Variants in AP2A2 observed in about 807,000 individuals in gnomAD.
The protein encoded by AP2A2 is AP-2 complex subunit alpha-2.
A neutral mutation model predicts 104.2 loss-of-function variants in AP2A2; 32 were observed. That is an observed-to-expected ratio of 0.31 (90% CI 0.23 to 0.41). AP2A2 has a LOEUF of 0.41. AP2A2 is among the 10% of genes least tolerant of loss of function. AP2A2 has a pLI of 1.00. For synonymous variants in AP2A2, 539 were observed against 533.3 expected, an observed-to-expected ratio of 1.01 and a Z score of -0.15; for missense variants, 912 against 1,261.0, an observed-to-expected ratio of 0.72 and a Z score of 4.19.
intron 2 of AP2A2, among the ~76,000 whole-genome samples, chr11:963,437 C>A (rs1419533155): frequency 6.6e-6 from 1 of 151,300 alleles, no homozygotes; most frequent in Non-Finnish European, 1.5e-5. Context: ...GAAAAAAAAA[C>A]TAAAAAAAAA....
intron 4 of AP2A2, among the ~76,000 whole-genome samples, chr11:973,801 T>C (rs927914386): frequency 6.6e-6 from 1 of 152,214 alleles, no homozygotes; most frequent in African/African-American, 2.4e-5. Flanking sequence ...GTTGCTTGCC[T>C]GTTTATTACC....
At chr11:957,865 C>T (rs1022998815) in intron 1 of AP2A2, among the ~76,000 whole-genome samples, 6 of 152,220 alleles carry the variant, frequency 3.9e-5, no homozygotes, top group Non-Finnish European at 8.8e-5. Flanking sequence ...CTGTGTCTTC[C>T]GTGAGGGTAA....
chr11:1,003,880 T>G, intron 16 of AP2A2, 76 bp downstream of exon 16: 1 of 956,726 alleles, frequency 1.0e-6, no homozygotes, highest in Non-Finnish European at 1.6e-6. Flanking sequence ...GCAAATCATA[T>G]ACTTATAAGG....
intron 1 of AP2A2, among the ~76,000 whole-genome samples, chr11:928,662 T>A (rs1262562252): frequency 1.3e-5 from 2 of 152,264 alleles, no homozygotes; most frequent in Non-Finnish European, 2.9e-5. Flanking sequence ...AGGGCAAAGT[T>A]GTCCGCCGTC....
At chr11:987,916 G>A (rs1203106250) in intron 9 of AP2A2, among the ~76,000 whole-genome samples, 2 of 152,256 alleles carry the variant, frequency 1.3e-5, no homozygotes, top group East Asian at 1.9e-4. Flanking sequence ...CAGATATTCC[G>A]GGTGGTGTGC....
At chr11:1,006,431 T>G in intron 16 of AP2A2, 97 bp from the exon 17 acceptor site, 1 of 871,462 alleles carries the variant, frequency 1.1e-6, no homozygotes, top group Non-Finnish European at 1.8e-6. Flanking sequence ...GAACTTAAAT[T>G]CAGCTGAAGA....
At chr11:946,859 A>G (rs1564786590) in intron 1 of AP2A2, 1 of 152,004 alleles carries the variant, frequency 6.6e-6, no homozygotes, top group Admixed American at 6.6e-5. Flanking sequence ...TACATACTGA[A>G]AGGAATGTCT....
chr11:963,596 C>T (rs535336910), intron 2 of AP2A2, among the ~76,000 whole-genome samples: 2 of 152,144 alleles, frequency 1.3e-5, no homozygotes, highest in South Asian at 2.1e-4. Flanking sequence ...TGATTTAGAG[C>T]AACCCTTCTG....
intron 1 of AP2A2, among the ~76,000 whole-genome samples, chr11:945,176 T>G (rs1853789991): frequency 6.6e-6 from 1 of 151,868 alleles, no homozygotes; most frequent in South Asian, 2.1e-4. Flanking sequence ...GCAGGACACA[T>G]GTGATACATT....
In AP2A2 at chr11:952,881, C is replaced by T. The variant is rs1400532209; in HGVS notation, c.68-6556C>T. 2.6e-5 allele frequency among the ~76,000 whole-genome samples: 4 copies of T among 152,144 alleles called. No individual in the cohort carries two copies. In the East Asian group the frequency reaches 7.7e-4, roughly 29 times the overall value. On this transcript the variant is annotated intron_variant, in intron 1 of 21. Coordinates refer to ENST00000448903, the MANE Select transcript of AP2A2 (RefSeq NM_012305.4). Reference sequence around the variant, plus strand: ...GGCACGGTGGGGTGGTTGAAGTCCTCCTGTGAGGCCCTCTGCCTTATGGAG... The same window carrying T: ...GGCACGGTGGGGTGGTTGAAGTCCTTCTGTGAGGCCCTCTGCCTTATGGAG...
At chr11:967,778 C>T (rs1010946890) in intron 2 of AP2A2, among the ~76,000 whole-genome samples, 3 of 152,168 alleles carry the variant, frequency 2.0e-5, no homozygotes, top group East Asian at 1.9e-4. Context: ...CAAACTTAAT[C>T]GTGATCCTTT....
In AP2A2 at chr11:969,348, G is replaced by C. The variant is rs1409741292; in HGVS notation, c.137-821G>C. Among the ~76,000 whole-genome samples, 4 of 146,166 alleles carry C rather than the reference G, an allele frequency of 2.7e-5. No individual in the cohort carries two copies. The Admixed American group carries it at 2.8e-4, about 10-fold the overall frequency. On this transcript the variant is annotated intron_variant, in intron 2 of 21. Coordinates refer to ENST00000448903, the MANE Select transcript of AP2A2 (RefSeq NM_012305.4). ...CAGGTTCAAGCAATTCTCTGCCTCA[G>C]CCTCCCGAGTAGCTGGGATTACAGG...
intron 2 of AP2A2, among the ~76,000 whole-genome samples, chr11:962,618 A>G (rs1047267133): frequency 5.3e-4 from 80 of 152,212 alleles, no homozygotes; most frequent in Non-Finnish European, 9.0e-4. Context: ...CTATAGTCCC[A>G]GCTACTTGGG....
chr11:935,984 C>T (rs1853446147), intron 1 of AP2A2, among the ~76,000 whole-genome samples: 1 of 150,950 alleles, frequency 6.6e-6, no homozygotes. Context: ...TCACTGCAAG[C>T]TCTGCCTCCT....
At chr11:952,297 A>C (rs1485401353) in intron 1 of AP2A2, among the ~76,000 whole-genome samples, 3 of 152,200 alleles carry the variant, frequency 2.0e-5, no homozygotes. Flanking sequence ...TTTTTGTGGA[A>C]CTTGGGCTGT....
In AP2A2 at chr11:925,895, C is replaced by T. The variant is rs1207264528; in HGVS notation, c.-127C>T. Reference sequence around the variant, plus strand: ...AGAAAGCGGCGCTGGGACCCTGAGGCGGCCGTGGTTAGGCGGCTCCCCGGC... The same window carrying T: ...AGAAAGCGGCGCTGGGACCCTGAGGTGGCCGTGGTTAGGCGGCTCCCCGGC... On this transcript the variant is annotated 5_prime_UTR_variant, in exon 1 of 22. Transcript: ENST00000448903. The T allele has an allele frequency of 4.0e-5, 25 of 630,884 alleles. No homozygotes were observed. The highest frequency in any genetic ancestry group is 5.3e-5 in the Non-Finnish European group (23 of 432,536). The allele number at this position is 630,884 out of a possible 1,614,324, so 39.1% of individuals were successfully genotyped here.
chr11:1,006,555 A>G lies in AP2A2; in HGVS notation c.2234A>G (p.Lys745Arg). The G allele has an allele frequency of 6.2e-7, 1 of 1,613,704 alleles. No homozygotes were observed. Among genetic ancestry groups the G allele is most frequent in the Non-Finnish European group, 8.5e-7 (1 of 1,179,798 alleles). ...CGGATGTTTATCTTTTATGGTAATA[A>G]GACCTCCACGCAGTTCCTAAACTTT... The part of the protein sequence containing the change: ...LGRMFIFYGN[K>R]TSTQFLNFTP... The change falls in exon 17 of 22, where the codon AAG becomes AGG. Residue 745 changes from lysine (K) to arginine (R), a missense_variant. Around this residue, in one of 7 missense-constraint regions of AP2A2, gnomAD observed 239 missense variants for 329.8 expected, o/e 0.72. Transcript: ENST00000448903.
intron 17 of AP2A2, 92 bp from the exon 18 acceptor site, chr11:1,007,920 C>A: frequency 1.3e-6 from 2 of 1,534,866 alleles, no homozygotes; most frequent in Non-Finnish European, 1.8e-6. Context: ...GGTGAGTGTG[C>A]TCGCCTCCAC....
In AP2A2 at chr11:1,009,894, G is replaced by T. The variant is rs890032591; in HGVS notation, c.2742+77G>T. ...CACAATGTACGTGGTGAGATGTGTA[G>T]CTCTTTAGTGCAGTTCAGTCAGTTT... On this transcript the variant is annotated intron_variant, in intron 21 of 21. Coordinates refer to ENST00000448903, the MANE Select transcript of AP2A2 (RefSeq NM_012305.4). 6.1e-6 allele frequency: 9 copies of T among 1,464,892 alleles called. No individual in the cohort carries two copies. In the East Asian group the frequency reaches 2.3e-4, roughly 37 times the overall value. The allele number at this position is 1,464,892 out of a possible 1,614,324, so 90.7% of individuals were successfully genotyped here. A position where few individuals can be genotyped will look rare whatever the true frequency, so the allele number is the denominator to read the frequency against.
Sources: allele counts gnomAD v4.1 joint callset (sites outside exome capture counted in the v4.1 genomes callset), GRCh38; gene constraint gnomAD v4.1.1; regional missense constraint gnomAD v4.1.1; transcripts MANE v1.5; gene names NCBI Gene and HGNC (gene_info 2026-07-23, HGNC 2026-07-21).